The following PCDH15 variants were observed in gnomAD, a reference collection of about 807,000 sequenced individuals.
PCDH15 encodes the protein protocadherin-15.
Under a neutral mutation model 178.5 loss-of-function variants are expected in PCDH15, and 129 were observed. The observed-to-expected ratio is 0.72, with a 90% CI of 0.63 to 0.84. The LOEUF is 0.84. Ranked by LOEUF, PCDH15 falls within the 40% of genes least tolerant of loss-of-function variation. The pLI, the probability that PCDH15 is intolerant of heterozygous loss-of-function variation, is 0.00. For synonymous variants in PCDH15, 800 were observed against 732.0 expected (o/e 1.09, Z -1.50); for missense variants, 2,230 against 2,099.9 (o/e 1.06, Z -1.21).
At chr10:54,327,857 T>C (rs1247495837) in intron 7 of PCDH15, among the ~76,000 whole-genome samples, 1 of 152,052 alleles carries the variant, frequency 6.6e-6, no homozygotes, top group East Asian at 1.9e-4. Context: ...TTTAGGTTTA[T>C]AGAAAAATTG....
intron 25 of PCDH15, 44 bp from the exon 26 acceptor site, chr10:53,903,414 T>C (rs1589339406): frequency 1.2e-6 from 2 of 1,606,950 alleles, no homozygotes; most frequent in Non-Finnish European, 1.7e-6. Flanking sequence ...TGGTTATTCA[T>C]GGGGGAAAAA....
intron 32 of PCDH15, chr10:53,823,375 ATAATGAAATG>A: frequency 3.1e-6 from 5 of 1,606,138 alleles, no homozygotes; most frequent in Non-Finnish European, 4.3e-6. Flanking sequence ...AGAAAAGAAG[ATAATGAAATG>A]TAAGGAAACA....
At position 54,774,155 on chromosome 10, in the gene PCDH15, A is replaced by G. The variant is rs186885160; in HGVS notation, c.-29+26770T>C. Among the ~76,000 whole-genome samples the G allele has an allele frequency of 5.2e-4, 79 of 151,368 alleles. 1 individual carries two copies. In the East Asian group the frequency reaches 0.014, roughly 26 times the overall value. On this transcript the variant is annotated intron_variant, in intron 1 of 37. Transcript: ENST00000644397. ...ACCACTCTCCTGCCTCAACCTCCCG[A>G]GTAGCTAGGACCACAGGCGCCTGCC...
chr10:54,283,755 C>T (rs1008848460), intron 8 of PCDH15, among the ~76,000 whole-genome samples: 3 of 152,244 alleles, frequency 2.0e-5, no homozygotes, highest in East Asian at 1.9e-4. Flanking sequence ...CAATGAGCCT[C>T]GCTTGATGCT....
intron 18 of PCDH15, among the ~76,000 whole-genome samples, chr10:54,045,135 A>C (rs1481934311): frequency 2.6e-5 from 4 of 152,138 alleles, no homozygotes; most frequent in Non-Finnish European, 4.4e-5. Context: ...TGACCATTGT[A>C]TGGTACATTT....
At chr10:54,752,334 G>A (rs1389413079) in intron 1 of PCDH15, among the ~76,000 whole-genome samples, 1 of 151,346 alleles carries the variant, frequency 6.6e-6, no homozygotes, top group African/African-American at 2.4e-5. Flanking sequence ...AAAATTAGCC[G>A]GGCGTGGTGG....
At chr10:54,247,881 A>AAT (rs1554857291) in intron 8 of PCDH15, among the ~76,000 whole-genome samples, 6 of 148,554 alleles carry the variant, frequency 4.0e-5, no homozygotes, top group African/African-American at 1.2e-4. Flanking sequence ...AAAAAAAAGA[A>AAT]ATATGTATAT....
At chr10:55,150,416 T>G (rs1418703686) in intron 2 of PCDH15, among the ~76,000 whole-genome samples, 2 of 152,118 alleles carry the variant, frequency 1.3e-5, no homozygotes, top group Non-Finnish European at 2.9e-5. Context: ...TAAAGAGTAA[T>G]TGAAAACTTG....
intron 2 of PCDH15, among the ~76,000 whole-genome samples, chr10:54,592,781 A>G (rs1018599484): frequency 6.6e-6 from 1 of 152,178 alleles, no homozygotes; most frequent in African/African-American, 2.4e-5. Flanking sequence ...GTTTTCCATA[A>G]TGGCCACACC....
At chr10:55,159,641 TATAAAGAG>T (rs1839006891) in intron 2 of PCDH15, among the ~76,000 whole-genome samples, 1 of 147,894 alleles carries the variant, frequency 6.8e-6, no homozygotes, top group Admixed American at 6.8e-5. Context: ...AAGAGATATA[TATAAAGAG>T]ATAAAGAGAT....
In PCDH15 at chr10:53,811,551, A is replaced by C. The variant is rs780207777; in HGVS notation, c.4560T>G (p.His1520Gln). The C allele has an allele frequency of 6.5e-7, 1 of 1,540,666 alleles. No individual in the cohort carries two copies. Among genetic ancestry groups the C allele is most frequent in the Non-Finnish European group, 8.8e-7 (1 of 1,138,132 alleles). ...ATTTTAAAAATCTGAAGATGTACCCATGCTCATAACTGTAATAATCTTGTC... is the reference window on the plus strand; with the variant it reads ...ATTTTAAAAATCTGAAGATGTACCCCTGCTCATAACTGTAATAATCTTGTC... ...EYGQDYYSYE[H>Q]GYEMPQYGSR... The change falls in exon 36 of 38, where the codon CAT becomes CAG. Residue 1520 changes from histidine to glutamine, a missense_variant and splice_region_variant. By Grantham distance (24) the His-to-Gln change is conservative. Transcript: ENST00000644397.
chr10:53,968,538 C>T (rs980950710), intron 21 of PCDH15, among the ~76,000 whole-genome samples: 13 of 152,262 alleles, frequency 8.5e-5, no homozygotes, highest in East Asian at 3.9e-4. Flanking sequence ...GATCTAAGAA[C>T]GGACAGACTG....
intron 2 of PCDH15, among the ~76,000 whole-genome samples, chr10:54,939,829 G>T (rs999978743): frequency 6.6e-6 from 1 of 152,082 alleles, no homozygotes; most frequent in African/African-American, 2.4e-5. Context: ...GGCAAAACAG[G>T]TTCCCTCCAG....
At chr10:55,198,621 G>A (rs374920623) in intron 1 of PCDH15, among the ~76,000 whole-genome samples, 4 of 151,976 alleles carry the variant, frequency 2.6e-5, no homozygotes, top group South Asian at 2.1e-4. Context: ...CGAATAGCTG[G>A]GACTACAAGG....
At chr10:55,487,225 C>A (rs1289420897) in intron 2 of PCDH15, among the ~76,000 whole-genome samples, 1 of 151,572 alleles carries the variant, frequency 6.6e-6, no homozygotes, top group East Asian at 1.9e-4. Context: ...CTTATTCACC[C>A]ACATTCAGAG....
At chr10:55,364,660 T>C (rs918438517) in intron 2 of PCDH15, among the ~76,000 whole-genome samples, 1 of 152,132 alleles carries the variant, frequency 6.6e-6, no homozygotes, top group Admixed American at 6.6e-5. Flanking sequence ...AATTTTTTTC[T>C]GTTCCATAAT....
At chr10:54,427,267 T>C (rs1956381221) in intron 3 of PCDH15, among the ~76,000 whole-genome samples, 1 of 139,658 alleles carries the variant, frequency 7.2e-6, no homozygotes, top group African/African-American at 2.7e-5. Flanking sequence ...TCTCTTTTTC[T>C]GGTTTTTTTT....
chr10:54,852,393 G>GA (rs1953638613), intron 3 of PCDH15, among the ~76,000 whole-genome samples: 1 of 152,064 alleles, frequency 6.6e-6, no homozygotes, highest in Non-Finnish European at 1.5e-5. Flanking sequence ...ATAGAAGGTG[G>GA]AAAATGCCTC....
chr10:54,102,767 C>A (rs2094835784), intron 15 of PCDH15, among the ~76,000 whole-genome samples: 1 of 152,138 alleles, frequency 6.6e-6, no homozygotes. Flanking sequence ...TTCATTCCAG[C>A]ACTGGGGAAA....
Sources: gnomAD v4.1 joint callset for allele counts (sites outside exome capture counted in the v4.1 genomes callset) on GRCh38, gnomAD v4.1.1 for gene constraint, MANE v1.5 for transcripts, NCBI Gene and HGNC (gene_info 2026-07-23, HGNC 2026-07-21) for gene names.